Variants in ADAM12 observed in about 807,000 individuals in gnomAD.
ADAM12 encodes ADAM metallopeptidase domain 12.
In ADAM12, 70 loss-of-function variants were observed where a neutral mutation model predicts 106.4. That is an observed-to-expected ratio of 0.66 (90% CI 0.54 to 0.80). ADAM12 has a LOEUF of 0.80. Among genes scored for constraint, ADAM12 ranks in the 30% least tolerant of loss-of-function variants. ADAM12 has a pLI of 0.00. For missense variants in ADAM12, 1,010 were observed against 1,171.9 expected (o/e 0.86, Z 2.02); for synonymous variants, 420 against 433.5 (o/e 0.97, Z 0.39).
intron 3 of ADAM12, among the ~76,000 whole-genome samples, chr10:126,198,525 G>GC (rs1957640447): frequency 1.3e-5 from 2 of 152,198 alleles, no homozygotes; most frequent in South Asian, 4.1e-4. Context: ...TGCAACCAGG[G>GC]CCAGTGTAGC....
chr10:126,153,903 C>A (rs1054096810), intron 4 of ADAM12, among the ~76,000 whole-genome samples: 6 of 152,182 alleles, frequency 3.9e-5, no homozygotes, highest in African/African-American at 1.4e-4. Flanking sequence ...AGACTATTCC[C>A]AACATCCACA....
intron 1 of ADAM12, among the ~76,000 whole-genome samples, chr10:126,334,384 C>T (rs1468919687): frequency 1.3e-5 from 2 of 152,122 alleles, no homozygotes; most frequent in African/African-American, 2.4e-5. Context: ...TTTGCCACTG[C>T]GTAACCTGAT....
intron 4 of ADAM12, among the ~76,000 whole-genome samples, chr10:126,143,638 C>T (rs576408747): frequency 5.3e-5 from 7 of 131,014 alleles, no homozygotes; most frequent in African/African-American, 1.5e-4. Flanking sequence ...TGTGTATACA[C>T]GTATGTGTGT....
At chr10:126,276,897 A>T (rs991947567) in intron 3 of ADAM12, among the ~76,000 whole-genome samples, 2 of 152,214 alleles carry the variant, frequency 1.3e-5, no homozygotes, top group African/African-American at 2.4e-5. Flanking sequence ...GTATTATAGT[A>T]TCTGCAGTAA....
intron 2 of ADAM12, among the ~76,000 whole-genome samples, chr10:126,304,988 T>C (rs187055437): frequency 3.3e-4 from 50 of 152,062 alleles, no homozygotes; most frequent in Non-Finnish European, 6.0e-4. Context: ...ATGTATACCT[T>C]GGTGAGGATA....
chr10:126,249,045 T>G (rs925116804), intron 3 of ADAM12, among the ~76,000 whole-genome samples: 1 of 152,056 alleles, frequency 6.6e-6, no homozygotes, highest in African/African-American at 2.4e-5. Context: ...GAACCAACTA[T>G]AGAGTAAAAT....
chr10:126,178,439 A>G (rs1027759015), intron 3 of ADAM12, among the ~76,000 whole-genome samples: 1 of 141,418 alleles, frequency 7.1e-6, no homozygotes, highest in African/African-American at 2.7e-5. Context: ...TTTTGGATAA[A>G]CATCTTTCAG....
chr10:126,075,968 T>A (rs1157565551), intron 11 of ADAM12, among the ~76,000 whole-genome samples: 1 of 152,230 alleles, frequency 6.6e-6, no homozygotes, highest in Non-Finnish European at 1.5e-5. Flanking sequence ...AAGGGGTACA[T>A]GTGCAAATTT....
At chr10:126,379,016 G>A (rs929565072) in intron 1 of ADAM12, among the ~76,000 whole-genome samples, 11 of 152,128 alleles carry the variant, frequency 7.2e-5, no homozygotes, top group African/African-American at 1.2e-4. Flanking sequence ...TGCAGGCTCT[G>A]AAGAACACTA....
At chr10:126,322,768 C>A (rs1854148914) in intron 2 of ADAM12, among the ~76,000 whole-genome samples, 1 of 152,216 alleles carries the variant, frequency 6.6e-6, no homozygotes, top group Non-Finnish European at 1.5e-5. Context: ...GAGTCCGAAT[C>A]CATTTCTGCA....
At chr10:126,243,738 C>T (rs1958576546) in intron 3 of ADAM12, among the ~76,000 whole-genome samples, 1 of 152,146 alleles carries the variant, frequency 6.6e-6, no homozygotes, top group Non-Finnish European at 1.5e-5. Context: ...ACGCAACTAT[C>T]TAGACATTTT....
chr10:126,121,449 A>AATATAAC (rs1249966944), intron 5 of ADAM12, among the ~76,000 whole-genome samples: 1 of 134,868 alleles, frequency 7.4e-6, no homozygotes, highest in Non-Finnish European at 1.5e-5. Flanking sequence ...CATATTATAT[A>AATATAAC]ATATGCAATA....
chr10:126,154,675 G>A (rs1198490126), intron 4 of ADAM12, among the ~76,000 whole-genome samples: 1 of 152,132 alleles, frequency 6.6e-6, no homozygotes, highest in African/African-American at 2.4e-5. Context: ...GTAAACATTT[G>A]TTAAAGCAAC....
At chr10:126,144,768 T>C (rs930201182) in intron 4 of ADAM12, among the ~76,000 whole-genome samples, 1 of 152,196 alleles carries the variant, frequency 6.6e-6, no homozygotes, top group African/African-American at 2.4e-5. Flanking sequence ...GAACATATGG[T>C]ACAGCGTGGG....
intron 10 of ADAM12, among the ~76,000 whole-genome samples, chr10:126,095,926 C>G (rs548098433): frequency 3.9e-5 from 6 of 152,192 alleles, no homozygotes; most frequent in Non-Finnish European, 7.4e-5. Flanking sequence ...CACACTGATA[C>G]AGTCTGTGTG....
chr10:126,272,507 G>T (rs920305264), intron 3 of ADAM12, among the ~76,000 whole-genome samples: 1 of 152,140 alleles, frequency 6.6e-6, no homozygotes, highest in Non-Finnish European at 1.5e-5. Context: ...GTTTAGTAAA[G>T]ATAATTATTA....
chr10:126,129,536 T>G (rs1178794228), intron 5 of ADAM12, among the ~76,000 whole-genome samples: 1 of 152,212 alleles, frequency 6.6e-6, no homozygotes, highest in Non-Finnish European at 1.5e-5. Context: ...CTGAAGCTCA[T>G]GGCTGTGCCT....
intron 2 of ADAM12, among the ~76,000 whole-genome samples, chr10:126,299,299 G>C (rs529999781): frequency 6.6e-6 from 1 of 152,198 alleles, no homozygotes; most frequent in Non-Finnish European, 1.5e-5. Flanking sequence ...AGTCACTAGG[G>C]ATTTAGCCCA....
intron 1 of ADAM12, among the ~76,000 whole-genome samples, chr10:126,345,677 A>ATTAATTATTG (rs1288470405): frequency 6.6e-6 from 1 of 152,188 alleles, no homozygotes; most frequent in Non-Finnish European, 1.5e-5. Context: ...TTGGTAGACT[A>ATTAATTATTG]TTAATTATTG....
Sources: allele counts gnomAD v4.1 joint callset (sites outside exome capture counted in the v4.1 genomes callset), GRCh38; gene constraint gnomAD v4.1.1; transcripts MANE v1.5; gene names NCBI Gene and HGNC (gene_info 2026-07-23, HGNC 2026-07-21).